APOL6: variants seen among roughly 807,000 people sequenced by gnomAD.
APOL6 encodes apolipoprotein L6.
In APOL6, 1 loss-of-function variant was observed where a neutral mutation model predicts 2.4. That is an observed-to-expected ratio of 0.41 (90% confidence interval 0.15 to 1.94). The LOEUF (loss-of-function observed/expected upper bound fraction) is 1.94. Ranked by LOEUF, APOL6 falls within the 30% of genes most tolerant of loss-of-function variation. The pLI is 0.30. For synonymous variants in APOL6, 189 were observed against 169.3 expected (o/e 1.12, Z -0.90); for missense variants, 438 against 429.2 (o/e 1.02, Z -0.18).
intron 1 of APOL6, among the ~76,000 whole-genome samples, chr22:35,654,352 G>A (rs1924783376): frequency 6.6e-6 from 1 of 152,072 alleles, no homozygotes; most frequent in Non-Finnish European, 1.5e-5. Context: ...CAGACAAGCA[G>A]CCCCCCATCC....
chr22:35,656,390 A>G lies in APOL6; in HGVS notation c.-36A>G. 6.2e-7 allele frequency: 1 copy of G among 1,613,254 alleles called. No homozygotes were observed. Among genetic ancestry groups the G allele is most frequent in the Non-Finnish European group, 8.5e-7 (1 of 1,179,298 alleles). On this transcript the variant is annotated 5_prime_UTR_variant, in exon 2 of 3. Coordinates refer to ENST00000409652, the MANE Select transcript of APOL6 (RefSeq NM_030641.4). ...ACATTCCTGACCAGAAAATCATTTG[A>G]CTCCTGGGGACACAGATTTGCTGCC...
Position 35,665,908 on chromosome 22 carries a change from A to G in APOL6, c.*6312A>G, listed in dbSNP as rs1315654405. On this transcript the variant is annotated 3_prime_UTR_variant, in exon 3 of 3. Transcript: ENST00000409652. The stretch of plus-strand genomic sequence containing the variant: ...TCCAAAATCAAATTATAAATTATGT[A>G]TTTTTCTAACCTAATTAATCCTTTA... The G allele has an allele frequency of 1.3e-5, 2 of 152,180 alleles. No homozygotes were observed. Among genetic ancestry groups the G allele is most frequent in the African/African-American group, 2.4e-5 (1 of 41,450 alleles). The allele number at this position is 152,180 out of a possible 1,614,324, so 9.4% of individuals were successfully genotyped here.
intron 2 of APOL6, 93 bp from the exon 3 acceptor site, chr22:35,658,522 A>C (rs1924907705): frequency 1.8e-6 from 2 of 1,125,952 alleles, no homozygotes; most frequent in Non-Finnish European, 2.5e-6. Flanking sequence ...TACAGGGAGG[A>C]TTCGAAGCTG....
chr22:35,658,656 A>G lies in APOL6; in HGVS notation c.92A>G (p.Gln31Arg), dbSNP rs138391724. Residue 31 changes from glutamine to arginine, a missense_variant, in exon 3 of 3, where the codon CAA (glutamine) becomes CGA (arginine). Coordinates refer to ENST00000409652, the MANE Select transcript of APOL6 (RefSeq NM_030641.4). ...DAPLCEDVEL[Q>R]DGDLSPEEKI... is the part of the protein sequence containing the mutation. The stretch of plus-strand genomic sequence containing the variant: ...CCTCTGTGTGAAGACGTGGAGCTAC[A>G]AGACGGAGATCTGTCCCCCGAAGAA... 1.2e-6 allele frequency: 2 copies of G among 1,614,028 alleles called. No homozygotes were observed. The highest frequency in any genetic ancestry group is 1.7e-6 in the Non-Finnish European group (2 of 1,179,956).
chr22:35,667,259 G>A lies in APOL6; in HGVS notation c.*7663G>A, dbSNP rs1925211239. On this transcript the variant is annotated 3_prime_UTR_variant, in exon 3 of 3. Coordinates refer to ENST00000409652, the MANE Select transcript of APOL6 (RefSeq NM_030641.4). ...GAGAGGAAATTCACCCAATTTATAAGTATTTGATGGCACAAATCCATGGCT... is the reference window on the plus strand; with the variant it reads ...GAGAGGAAATTCACCCAATTTATAAATATTTGATGGCACAAATCCATGGCT... 1 of 152,198 alleles carries A rather than the reference G, an allele frequency of 6.6e-6. No individual in the cohort carries two copies. Among genetic ancestry groups the A allele is most frequent in the African/African-American group, 2.4e-5 (1 of 41,450 alleles). The allele number at this position is 152,198 out of a possible 1,614,324, so 9.4% of individuals were successfully genotyped here. A position where few individuals can be genotyped will look rare whatever the true frequency, so the allele number is the denominator to read the frequency against.
At position 35,659,531 on chromosome 22, in the gene APOL6, C is replaced by T; in HGVS notation, c.967C>T (p.His323Tyr). The T allele has an allele frequency of 1.9e-6, 3 of 1,613,996 alleles. No individual in the cohort carries two copies. The highest frequency in any genetic ancestry group is 1.7e-5 in the Admixed American group (1 of 60,006). Residue 323 changes from histidine to tyrosine, a missense_variant, in exon 3 of 3, where the codon CAT becomes TAT. Coordinates refer to ENST00000409652, the MANE Select transcript of APOL6 (RefSeq NM_030641.4). ...TEAYWKELRE[H>Y]VWMWLWLCVC... is the part of the protein sequence containing the mutation. ...GGCTTACTGGAAGGAGTTAAGGGAG[C>T]ATGTGTGGATGTGGCTGTGGCTGTG...
rs549800745 is a variant in APOL6 at position 35,661,137 on chromosome 22, A to G, written c.*1541A>G. On this transcript the variant is annotated 3_prime_UTR_variant, in exon 3 of 3. Coordinates refer to ENST00000409652, the MANE Select transcript of APOL6 (RefSeq NM_030641.4). ...GTAATTACACTAATAAAGCTGGATC[A>G]CCTGAGGTTAGGAGTTTGAGAACAG... 3 of 152,220 alleles carry G rather than the reference A, an allele frequency of 2.0e-5. No homozygotes were observed. The highest frequency in any genetic ancestry group is 1.3e-4 in the Admixed American group (2 of 15,286). 9.4% of individuals were successfully genotyped at this position (152,220 alleles called of 1,614,324 possible).
chr22:35,648,974 C>T (rs1924617865), intron 1 of APOL6, among the ~76,000 whole-genome samples: 1 of 152,260 alleles, frequency 6.6e-6, no homozygotes, highest in South Asian at 2.1e-4. Context: ...CAGCCACAGG[C>T]GTTTCCCTAG....
chr22:35,658,481 C>G (rs1924906781), intron 2 of APOL6, 134 bp from the exon 3 acceptor site: 1 of 783,760 alleles, frequency 1.3e-6, no homozygotes. Context: ...CTACAATGCT[C>G]TAGGACTTTT....
chr22:35,653,588 T>C (rs538409026), intron 1 of APOL6, among the ~76,000 whole-genome samples: 2 of 152,268 alleles, frequency 1.3e-5, no homozygotes, highest in East Asian at 3.9e-4. Context: ...CTTCTTGCTG[T>C]GTTATCCCAT....
Position 35,659,786 on chromosome 22 carries a change from T to TGTTTG in APOL6, c.*190_*191insGTTTG. The TGTTTG allele has an allele frequency of 4.0e-6, 4 of 1,012,658 alleles. No homozygotes were observed. Among genetic ancestry groups the TGTTTG allele is most frequent in the Non-Finnish European group, 4.2e-6 (3 of 713,102 alleles). 62.7% of individuals were successfully genotyped at this position (1,012,658 alleles called of 1,614,324 possible). Reference sequence around the variant, plus strand: ...TTGTTTGTTTGTTTGTTTGTTTGTTTTGAGACAGGGTCTCTGTTGCCCAGG... The same window carrying TGTTTG: ...TTGTTTGTTTGTTTGTTTGTTTGTTTGTTTGTGAGACAGGGTCTCTGTTGCCCAGG... On this transcript the variant is annotated 3_prime_UTR_variant, in exon 3 of 3. Transcript: ENST00000409652.
chr22:35,649,489 G>A (rs1459624159), intron 1 of APOL6, among the ~76,000 whole-genome samples: 1 of 151,568 alleles, frequency 6.6e-6, no homozygotes, highest in Middle Eastern at 3.4e-3. Flanking sequence ...TGTTTTCAAA[G>A]TAAGCAGATT....
chr22:35,658,631 C>T lies in APOL6; in HGVS notation c.67C>T (p.Pro23Ser), dbSNP rs1432714126. The T allele has an allele frequency of 3.1e-6, 5 of 1,611,592 alleles. No homozygotes were observed. The highest frequency in any genetic ancestry group is 3.3e-4 in the Middle Eastern group (2 of 6,052). Residue 23 changes from proline (P) to serine (S), a missense_variant, in exon 3 of 3, where the codon CCT becomes TCT. Pro to Ser is a moderately conservative substitution (Grantham distance 74). Transcript: ENST00000409652. The part of the protein sequence containing the change: ...VGLQRDEDDA[P>S]LCEDVELQDG... Reference sequence around the variant, plus strand: ...TCTCCTCAGGGATGAGGATGACGCTCCTCTGTGTGAAGACGTGGAGCTACA... The same window carrying T: ...TCTCCTCAGGGATGAGGATGACGCTTCTCTGTGTGAAGACGTGGAGCTACA...
intron 2 of APOL6, among the ~76,000 whole-genome samples, chr22:35,658,264 T>G (rs1924901000): frequency 6.6e-6 from 1 of 152,086 alleles, no homozygotes; most frequent in Non-Finnish European, 1.5e-5. Flanking sequence ...TTATCTTGAG[T>G]GGGGTTTTAA....
Position 35,667,262 on chromosome 22 carries a change from T to C in APOL6, c.*7666T>C, listed in dbSNP as rs534316379. 1 of 152,322 alleles carries C rather than the reference T, an allele frequency of 6.6e-6. No individual in the cohort carries two copies. The highest frequency in any genetic ancestry group is 2.4e-5 in the African/African-American group (1 of 41,586). 9.4% of individuals were successfully genotyped at this position (152,322 alleles called of 1,614,324 possible). A position where few individuals can be genotyped will look rare whatever the true frequency, so the allele number is the denominator to read the frequency against. On this transcript the variant is annotated 3_prime_UTR_variant, in exon 3 of 3. Transcript: ENST00000409652. The stretch of plus-strand genomic sequence containing the variant: ...AGGAAATTCACCCAATTTATAAGTA[T>C]TTGATGGCACAAATCCATGGCTGGG...
rs1260620727 is a variant in APOL6 at position 35,667,959 on chromosome 22, T to C, written c.*8363T>C. Reference sequence around the variant, plus strand: ...CCTGAAAGACTGGTTCAGGCCATGATGGGAAGTGGGAGTCGAACATGCCTC... The same window carrying C: ...CCTGAAAGACTGGTTCAGGCCATGACGGGAAGTGGGAGTCGAACATGCCTC... On this transcript the variant is annotated 3_prime_UTR_variant, in exon 3 of 3. Transcript: ENST00000409652. The C allele has an allele frequency of 6.6e-6, 1 of 152,144 alleles. No individual in the cohort carries two copies. The highest frequency in any genetic ancestry group is 1.5e-5 in the Non-Finnish European group (1 of 68,048). 9.4% of individuals were successfully genotyped at this position (152,144 alleles called of 1,614,324 possible). A position where few individuals can be genotyped will look rare whatever the true frequency, so the allele number is the denominator to read the frequency against.
Position 35,658,791 on chromosome 22 carries a change from A to C in APOL6, c.227A>C (p.Lys76Thr). Residue 76 changes from lysine (K) to threonine (T), a missense_variant, in exon 3 of 3, where the codon AAG (lysine) becomes ACG (threonine). Physicochemically the swap from Lys to Thr is moderately conservative, Grantham distance 78 (BLOSUM62 -1). Transcript: ENST00000409652. The stretch of plus-strand genomic sequence containing the variant: ...GACAAAACCCACAAGAAATTCACCA[A>C]GGCTAACATGGTGGCCACCTCTACT... ...DIDKTHKKFT[K>T]ANMVATSTAV... 6.2e-7 allele frequency: 1 copy of C among 1,614,186 alleles called. No individual in the cohort carries two copies. Among genetic ancestry groups the C allele is most frequent in the Non-Finnish European group, 8.5e-7 (1 of 1,180,024 alleles).
At position 35,659,072 on chromosome 22, in the gene APOL6, A is replaced by AGGG; in HGVS notation, c.508_509insGGG (p.Ile170delinsArgVal). The stretch of plus-strand genomic sequence containing the variant: ...AGACTATGTCACAGCTGCTGGAAAG[A>AGGG]TTATCTATAATCTTAGAAACACCTT... On this transcript the variant is annotated protein_altering_variant, in exon 3 of 3. Transcript: ENST00000409652. The AGGG allele has an allele frequency of 6.2e-7, 1 of 1,613,996 alleles. No individual in the cohort carries two copies.
chr22:35,659,010 A>G lies in APOL6; in HGVS notation c.446A>G (p.Tyr149Cys), dbSNP rs747761917. The G allele has an allele frequency of 1.2e-6, 2 of 1,613,738 alleles. No individual in the cohort carries two copies. The highest frequency in any genetic ancestry group is 2.2e-5 in the East Asian group (1 of 44,870). ...CGGGCGGAAGACATACTGCCCACCT[A>G]CGACCAAGAGGACAGGGAGGATGAG... ...QARAEDILPT[Y>C]DQEDREDEEE... The change falls in exon 3 of 3, where the codon TAC becomes TGC. Residue 149 changes from tyrosine to cysteine, a missense_variant. Tyr to Cys is a radical substitution (Grantham distance 194). Coordinates refer to ENST00000409652, the MANE Select transcript of APOL6 (RefSeq NM_030641.4).
Sources: gnomAD v4.1 joint callset for allele counts (sites outside exome capture counted in the v4.1 genomes callset) on GRCh38, gnomAD v4.1.1 for gene constraint, MANE v1.5 for transcripts, NCBI Gene and HGNC (gene_info 2026-07-23, HGNC 2026-07-21) for gene names.